AMBRA1: variants seen among roughly 807,000 people sequenced by gnomAD.
The protein encoded by AMBRA1 is activating molecule in BECN1-regulated autophagy protein 1.
Under a neutral mutation model 125.4 loss-of-function variants are expected in AMBRA1, and 47 were observed. The observed-to-expected ratio is 0.37, with a 90% confidence interval of 0.30 to 0.48. The LOEUF (loss-of-function observed/expected upper bound fraction) is 0.48. Among genes scored for constraint, AMBRA1 ranks in the 20% least tolerant of loss-of-function variants. The pLI, the probability that AMBRA1 is intolerant of heterozygous loss-of-function variation, is 0.99. For missense variants in AMBRA1, 1,331 were observed against 1,693.4 expected, an observed-to-expected ratio of 0.79 and a Z score of 3.76; for synonymous variants, 626 against 655.5, an observed-to-expected ratio of 0.95 and a Z score of 0.69.
chr11:46,420,955 A>G (rs1946819407), intron 14 of AMBRA1, among the ~76,000 whole-genome samples: 1 of 152,220 alleles, frequency 6.6e-6, no homozygotes, highest in African/African-American at 2.4e-5. Context: ...GTCTGAAACA[A>G]AAGAATAAAA....
chr11:46,515,635 G>C (rs1951443852), intron 7 of AMBRA1, among the ~76,000 whole-genome samples: 1 of 152,192 alleles, frequency 6.6e-6, no homozygotes, highest in Non-Finnish European at 1.5e-5. Context: ...TTCCTGATCT[G>C]AAGGGTTTGC....
chr11:46,478,436 C>T (rs1949909944), intron 11 of AMBRA1, among the ~76,000 whole-genome samples: 1 of 152,158 alleles, frequency 6.6e-6, no homozygotes, highest in African/African-American at 2.4e-5. Context: ...ACCCACAGAG[C>T]TCTTTTGCAC....
rs1838045877 is a variant in AMBRA1, at chr11:46,485,945, G to A, written c.2521+7663C>T. On this transcript the variant is annotated intron_variant, in intron 11 of 17. Transcript: ENST00000683756. ...GGACTCGAATGCTCCAGTGACTGGT[G>A]GACACCAAATAGGTAAAAGGCCCCG... is the stretch of plus-strand genomic sequence containing the variant. Among the ~76,000 whole-genome samples the A allele has an allele frequency of 2.0e-5, 3 of 152,232 alleles. No homozygotes were observed. The South Asian group carries it at 6.2e-4, about 32-fold the overall frequency.
intron 14 of AMBRA1, among the ~76,000 whole-genome samples, chr11:46,432,253 T>C (rs1386538339): frequency 2.6e-5 from 4 of 152,194 alleles, no homozygotes; most frequent in African/African-American, 7.2e-5. Context: ...GGTACAATGA[T>C]AGCACAAGGA....
chr11:46,569,457 A>ATG (rs1289443845), intron 1 of AMBRA1, among the ~76,000 whole-genome samples: 3 of 146,768 alleles, frequency 2.0e-5, no homozygotes. Flanking sequence ...ATATATATAT[A>ATG]TATATATAAA....
At chr11:46,581,598 T>A (rs1490506058) in intron 1 of AMBRA1, among the ~76,000 whole-genome samples, 3 of 151,338 alleles carry the variant, frequency 2.0e-5, no homozygotes, top group African/African-American at 7.3e-5. Flanking sequence ...AGTGCGAGAC[T>A]TCCTCTCAAA....
At position 46,462,917 on chromosome 11, in the gene AMBRA1, C is replaced by T. The variant is rs534997690; in HGVS notation, c.2522-19319G>A. Among the ~76,000 whole-genome samples the T allele has an allele frequency of 1.6e-3, 251 of 152,198 alleles. 3 individuals carry two copies. The highest frequency in any genetic ancestry group is 2.5e-3 in the Non-Finnish European group (167 of 68,018). On this transcript the variant is annotated intron_variant, in intron 11 of 17. Transcript: ENST00000683756. ...TACAGGCGTGCACCACCATGTCTGG[C>T]TAATTTTTGTATTTTTAGTAGAGAC...
At chr11:46,451,954 G>A (rs1337485977) in intron 11 of AMBRA1, 1 of 151,902 alleles carries the variant, frequency 6.6e-6, no homozygotes, top group Non-Finnish European at 1.5e-5. Flanking sequence ...GGATGTGAGA[G>A]AGGGAAAGGG....
intron 11 of AMBRA1, among the ~76,000 whole-genome samples, chr11:46,470,906 A>G (rs1006203019): frequency 1.3e-5 from 2 of 152,224 alleles, no homozygotes; most frequent in African/African-American, 2.4e-5. Context: ...TGGAAATTAC[A>G]TTCTAGAGGG....
rs186106348 is a variant in AMBRA1 at position 46,545,591 on chromosome 11, G to C, written c.551+13C>G. On this transcript the variant is annotated intron_variant, in intron 5 of 17. Transcript: ENST00000683756. ...TCCTGTGCCAGACAATGCAGATGGG[G>C]CAGCGCACTCACCGGACCCGTTCCA... 3.2e-3 allele frequency: 5,095 copies of C among 1,612,674 alleles called. 19 individuals carry two copies. The highest frequency in any genetic ancestry group is 0.011 in the Middle Eastern group (63 of 5,536).
chr11:46,584,447 A>G (rs2135324889), intron 1 of AMBRA1, among the ~76,000 whole-genome samples: 1 of 151,252 alleles, frequency 6.6e-6, no homozygotes, highest in East Asian at 1.9e-4. Flanking sequence ...TGGGTGCAGC[A>G]CACCAGCATG....
At position 46,460,529 on chromosome 11, in the gene AMBRA1, C is replaced by T. The variant is rs143460626; in HGVS notation, c.2522-16931G>A. ...TAGTAGAGACAGGGTTTCACCGTGT[C>T]AGCCAAGATGGTCTTGATCTCCTGA... On this transcript the variant is annotated intron_variant, in intron 11 of 17. Transcript: ENST00000683756. Among the ~76,000 whole-genome samples the T allele has an allele frequency of 6.3e-3, 959 of 152,122 alleles. 12 individuals carry two copies. Among genetic ancestry groups the T allele is most frequent in the African/African-American group, 0.022 (915 of 41,514 alleles).
chr11:46,429,686 C>A (rs1947357048), intron 14 of AMBRA1, among the ~76,000 whole-genome samples: 1 of 152,094 alleles, frequency 6.6e-6, no homozygotes, highest in African/African-American at 2.4e-5. Context: ...CACTTGGTTA[C>A]AACCAAAGTT....
chr11:46,560,627 AC>A (rs1362463720), intron 1 of AMBRA1, among the ~76,000 whole-genome samples: 2 of 152,216 alleles, frequency 1.3e-5, no homozygotes, highest in Non-Finnish European at 2.9e-5. Context: ...TCTGGAGAAA[AC>A]AGTGTGCTGA....
At chr11:46,552,382 A>AAAAAAAAAT (rs2043031090) in intron 1 of AMBRA1, among the ~76,000 whole-genome samples, 1 of 124,760 alleles carries the variant, frequency 8.0e-6, no homozygotes, top group African/African-American at 3.4e-5. Flanking sequence ...AAAAAAAAAA[A>AAAAAAAAAT]AAAAAAAAAA....
intron 17 of AMBRA1, among the ~76,000 whole-genome samples, chr11:46,403,748 A>G (rs1474014979): frequency 6.6e-6 from 1 of 152,220 alleles, no homozygotes; most frequent in African/African-American, 2.4e-5. Flanking sequence ...AGGCCTGGAA[A>G]GAGCTGAATG....
intron 9 of AMBRA1, among the ~76,000 whole-genome samples, chr11:46,505,080 CCAAA>C (rs1373764664): frequency 3.3e-5 from 5 of 152,238 alleles, no homozygotes; most frequent in African/African-American, 9.6e-5. Context: ...GGTGAGGATA[CCAAA>C]CAAAGGAACA....
Position 46,452,533 on chromosome 11 carries a change from A to AAT in AMBRA1, c.2522-8937_2522-8936dup, listed in dbSNP as rs1280378062. Among the ~76,000 whole-genome samples the AAT allele has an allele frequency of 3.3e-5, 5 of 152,148 alleles. No individual in the cohort carries two copies. In the East Asian group the frequency reaches 9.6e-4, roughly 29 times the overall value. On this transcript the variant is annotated intron_variant, in intron 11 of 17. Transcript: ENST00000683756. ...GGATTATCTGAGCTCTCTGTAAATA[A>AAT]ATACACTGGCTTCTGTTTACAAAAA...
intron 1 of AMBRA1, among the ~76,000 whole-genome samples, chr11:46,585,123 G>A (rs891343233): frequency 6.6e-6 from 1 of 152,096 alleles, no homozygotes; most frequent in African/African-American, 2.4e-5. Context: ...GGTGCAAGAT[G>A]TGCTTTGTTA....
Sources: gnomAD v4.1 joint callset for allele counts (sites outside exome capture counted in the v4.1 genomes callset) on GRCh38, gnomAD v4.1.1 for gene constraint, MANE v1.5 for transcripts, NCBI Gene and HGNC (gene_info 2026-07-23, HGNC 2026-07-21) for gene names.